GDPD5: variants seen among roughly 807,000 people sequenced by gnomAD.
The protein encoded by GDPD5 is glycerophosphodiester phosphodiesterase 2.
Under a neutral mutation model 75.1 loss-of-function variants are expected in GDPD5, and 48 were observed. That is an observed-to-expected ratio of 0.64 (90% CI 0.51 to 0.81). GDPD5 has a LOEUF of 0.81. Ranked by LOEUF, GDPD5 falls within the 40% of genes least tolerant of loss-of-function variation. The pLI is 0.00. For synonymous variants in GDPD5, 336 were observed against 339.0 expected (o/e 0.99, Z 0.10); for missense variants, 706 against 822.6 (o/e 0.86, Z 1.73).
At chr11:75,441,919 T>G in intron 12 of GDPD5, 116 bp from the exon 13 acceptor site, 1 of 1,048,662 alleles carries the variant, frequency 9.5e-7, no homozygotes, top group South Asian at 1.6e-5. Flanking sequence ...CGGTGAAAGC[T>G]TAGATGAAGT....
At chr11:75,487,381 A>T (rs1424073896) in intron 2 of GDPD5, among the ~76,000 whole-genome samples, 1 of 152,186 alleles carries the variant, frequency 6.6e-6, no homozygotes, top group East Asian at 1.9e-4. Flanking sequence ...GGCAGCTGCC[A>T]GTGGGGAGAG....
intron 6 of GDPD5, chr11:75,455,169 G>T: frequency 2.0e-5 from 8 of 391,600 alleles, no homozygotes; most frequent in South Asian, 1.5e-4. Flanking sequence ...GGCTCTATAG[G>T]CCTCTCCACT....
chr11:75,456,220 G>A (rs997653112), intron 6 of GDPD5, among the ~76,000 whole-genome samples: 1 of 152,222 alleles, frequency 6.6e-6, no homozygotes, highest in African/African-American at 2.4e-5. Flanking sequence ...GATGGGTTGG[G>A]AGATCAGCAG....
At chr11:75,497,122 AG>A (rs1950225509) in intron 1 of GDPD5, among the ~76,000 whole-genome samples, 1 of 151,966 alleles carries the variant, frequency 6.6e-6, no homozygotes, top group Non-Finnish European at 1.5e-5. Flanking sequence ...AGAGCTCGAG[AG>A]GGTTTAGGGT....
At chr11:75,449,162 G>C in intron 8 of GDPD5, 40 bp from the exon 9 acceptor site, 1 of 1,542,096 alleles carries the variant, frequency 6.5e-7, no homozygotes, top group Non-Finnish European at 8.7e-7. Flanking sequence ...GGTGAGCCCT[G>C]GGCAGGTTGG....
intron 1 of GDPD5, among the ~76,000 whole-genome samples, chr11:75,495,767 G>T (rs1205706092): frequency 6.6e-6 from 1 of 152,134 alleles, no homozygotes; most frequent in African/African-American, 2.4e-5. Context: ...ATCTCTATTT[G>T]TATTTTTGCT....
At chr11:75,441,543 CGTGTGTGT>C (rs34643232) in intron 13 of GDPD5, 95 bp downstream of exon 13, 335 of 952,526 alleles carry the variant, frequency 3.5e-4, no homozygotes, top group South Asian at 3.2e-3. Context: ...TCTGCCCGAC[CGTGTGTGT>C]GTGTGTGTGT....
At chr11:75,448,750 C>G in intron 9 of GDPD5, 1 of 1,223,446 alleles carries the variant, frequency 8.2e-7, no homozygotes, top group Non-Finnish European at 1.0e-6. Flanking sequence ...TGCATCTTTG[C>G]AGGGCACTTA....
At position 75,442,639 on chromosome 11, in the gene GDPD5, A is replaced by C. The variant is rs1200438577; in HGVS notation, c.949-58T>G. On this transcript the variant is annotated intron_variant, in intron 11 of 16. Transcript: ENST00000336898. ...TCATCAGCCCTTTGGGGGCCCCCAC[A>C]TACCCTTCTGGCAACCAAGCGTGGA... 3 of 1,524,204 alleles carry C rather than the reference A, an allele frequency of 2.0e-6. No individual in the cohort carries two copies. In the African/African-American group the frequency reaches 4.1e-5, roughly 21 times the overall value. The allele number at this position is 1,524,204 out of a possible 1,614,324, so 94.4% of individuals were successfully genotyped here. A position where few individuals can be genotyped will look rare whatever the true frequency, so the allele number is the denominator to read the frequency against.
rs556474677 is a variant in GDPD5, at chr11:75,513,193, C to T, written c.-145+12017G>A. On this transcript the variant is annotated intron_variant, in intron 1 of 16. Transcript: ENST00000336898. ...AATCATTACATGACCTCAGACAAGT[C>T]ACCTTCCTTCTCTCAGCCTCCATCT... 1.9e-4 allele frequency among the ~76,000 whole-genome samples: 29 copies of T among 152,300 alleles called. No individual in the cohort carries two copies. The South Asian group carries it at 4.8e-3, about 25-fold the overall frequency.
intron 10 of GDPD5, 22 bp from the exon 11 acceptor site, chr11:75,443,308 C>A: frequency 2.5e-6 from 4 of 1,592,098 alleles, no homozygotes; most frequent in Non-Finnish European, 3.4e-6. Context: ...GTGGGGCCAC[C>A]GAGTCAGTGA....
intron 4 of GDPD5, among the ~76,000 whole-genome samples, chr11:75,460,957 G>A (rs1210970635): frequency 1.3e-5 from 2 of 152,028 alleles, no homozygotes; most frequent in Admixed American, 6.6e-5. Context: ...TCTGGGTAGA[G>A]TGGGTAGCTC....
rs1327777906 is a variant in GDPD5 at position 75,444,334 on chromosome 11, GTTCCCCCA to G, written c.797+71_797+78del. On this transcript the variant is annotated intron_variant, in intron 10 of 16. Transcript: ENST00000336898. ...CATCTCAGAGGCTCTGAGACCAGAG[GTTCCCCCA>G]GCAGAGACCCAGGTGGATGCCGAAG... The G allele has an allele frequency of 1.7e-5, 18 of 1,033,658 alleles. No individual in the cohort carries two copies. The Admixed American group carries it at 3.1e-4, about 18-fold the overall frequency. 64.0% of individuals were successfully genotyped at this position (1,033,658 alleles called of 1,614,324 possible). A position where few individuals can be genotyped will look rare whatever the true frequency, so the allele number is the denominator to read the frequency against.
At chr11:75,490,062 G>A (rs1319002342) in intron 2 of GDPD5, among the ~76,000 whole-genome samples, 175 bp downstream of exon 2, 1 of 152,174 alleles carries the variant, frequency 6.6e-6, no homozygotes, top group Non-Finnish European at 1.5e-5. Context: ...CTAAGCAAGA[G>A]ACAAGTCTAC....
At chr11:75,472,843 A>C (rs866876286) in intron 3 of GDPD5, among the ~76,000 whole-genome samples, 1 of 152,098 alleles carries the variant, frequency 6.6e-6, no homozygotes, top group South Asian at 2.1e-4. Context: ...ATCACAATCC[A>C]CATGGCCAGC....
intron 2 of GDPD5, among the ~76,000 whole-genome samples, chr11:75,478,389 ACCTG>A (rs1398970836): frequency 1.3e-5 from 2 of 152,044 alleles, no homozygotes; most frequent in African/African-American, 4.8e-5. Context: ...CAGGTTATCC[ACCTG>A]CCTCAGCCTC....
chr11:75,451,292 T>C (rs1184387064), intron 6 of GDPD5: 1 of 152,276 alleles, frequency 6.6e-6, no homozygotes, highest in Non-Finnish European at 1.5e-5. Context: ...CTGGAAGGGC[T>C]GTGACATGGG....
intron 1 of GDPD5, among the ~76,000 whole-genome samples, chr11:75,513,647 T>A (rs998927457): frequency 2.6e-5 from 4 of 152,188 alleles, no homozygotes; most frequent in African/African-American, 9.7e-5. Context: ...ACAGGGGCAC[T>A]CAGAACTAGT....
At chr11:75,455,424 G>C (rs1461595422) in intron 6 of GDPD5, 4 of 454,762 alleles carry the variant, frequency 8.8e-6, no homozygotes, top group Non-Finnish European at 1.8e-5. Context: ...ACCACTCTAA[G>C]ACTTCAGTCT....
Sources: allele counts gnomAD v4.1 joint callset (sites outside exome capture counted in the v4.1 genomes callset), GRCh38; gene constraint gnomAD v4.1.1; transcripts MANE v1.5; gene names NCBI Gene and HGNC (gene_info 2026-07-23, HGNC 2026-07-21).